The following PRSS2 variants were observed in gnomAD, a reference collection of about 807,000 sequenced individuals.
The protein encoded by PRSS2 is trypsin-2.
A neutral mutation model predicts 19.2 loss-of-function variants in PRSS2; 19 were observed. The ratio of observed to expected loss-of-function variants is 0.99; its 90% CI spans 0.69 to 1.45. The LOEUF (loss-of-function observed/expected upper bound fraction) is 1.45, where lower values mean the gene tolerates loss of function less well. Among genes scored for constraint, PRSS2 ranks in the 40% most tolerant of loss-of-function variants. The pLI is 0.00. For synonymous variants in PRSS2, 107 were observed against 117.5 expected (o/e 0.91, Z 0.58); for missense variants, 288 against 294.4 (o/e 0.98, Z 0.16).
At chr7:142,772,295 T>A (rs1799990096) in intron 2 of PRSS2, 87 bp downstream of exon 2, 3 of 1,509,456 alleles carry the variant, frequency 2.0e-6, no homozygotes, top group Non-Finnish European at 2.8e-6. Flanking sequence ...TGAGGTTGGG[T>A]AGGACGGACG....
At chr7:142,773,242 C>T in intron 2 of PRSS2, 24 bp from the exon 3 acceptor site, 2 of 1,614,232 alleles carry the variant, frequency 1.2e-6, no homozygotes, top group Non-Finnish European at 1.7e-6. Flanking sequence ...AGAAGGTCTT[C>T]ACCATGCCTG....
At chr7:142,772,621 T>A (rs1800033660) in intron 2 of PRSS2, 2 of 665,424 alleles carry the variant, frequency 3.0e-6, no homozygotes, top group East Asian at 5.4e-5. Flanking sequence ...TTTCACACTC[T>A]ACCTCTGGTA....
Position 142,774,523 on chromosome 7 carries a change from C to T in PRSS2, c.*15C>T, listed in dbSNP as rs1346076129. ...CCAACAGCTAAAGCCCCTGGTCCCTCTGCAGTCTCTATACCAATAAAGTGA... is the reference window on the plus strand; with the variant it reads ...CCAACAGCTAAAGCCCCTGGTCCCTTTGCAGTCTCTATACCAATAAAGTGA... On this transcript the variant is annotated 3_prime_UTR_variant, in exon 5 of 5. Transcript: ENST00000539842. The T allele has an allele frequency of 6.2e-7, 1 of 1,604,982 alleles. No homozygotes were observed.
At chr7:142,773,875 C>T in intron 3 of PRSS2, 44 bp from the exon 4 acceptor site, 4 of 1,581,494 alleles carry the variant, frequency 2.5e-6, no homozygotes, top group East Asian at 2.2e-5. Flanking sequence ...CTTTCTCTGG[C>T]CTAACCCACA....
intron 2 of PRSS2, 109 bp from the exon 3 acceptor site, chr7:142,773,157 C>T: frequency 3.1e-6 from 5 of 1,599,640 alleles, no homozygotes; most frequent in Non-Finnish European, 4.3e-6. Flanking sequence ...CACCCCACCC[C>T]ATGCCTCCAG....
chr7:142,770,981 C>T lies in PRSS2; in HGVS notation c.-2C>T. 1 of 670,350 alleles carries T rather than the reference C, an allele frequency of 1.5e-6. No homozygotes were observed. Among genetic ancestry groups the T allele is most frequent in the South Asian group, 2.1e-5 (1 of 47,360 alleles). 41.5% of individuals were successfully genotyped at this position (670,350 alleles called of 1,614,324 possible). A position where few individuals can be genotyped will look rare whatever the true frequency, so the allele number is the denominator to read the frequency against. ...ACCAGCAATCAGGCACACTCTACCA[C>T]CATGAATCTACTTCTGATCCTTACC... On this transcript the variant is annotated 5_prime_UTR_variant, in exon 1 of 5. Coordinates refer to ENST00000539842, the MANE Select transcript of PRSS2 (RefSeq NM_002770.4).
In PRSS2 at chr7:142,773,388, T is replaced by A; in HGVS notation, c.323T>A (p.Ile108Asn). The change falls in exon 3 of 5, where the codon ATC becomes AAC. Residue 108 changes from isoleucine to asparagine, a missense_variant. Transcript: ENST00000539842. ...KYNSRTLDNDILLIKLSSPAV... is the reference protein window; with the variant it reads ...KYNSRTLDNDNLLIKLSSPAV... The stretch of plus-strand genomic sequence containing the variant: ...AACAGCCGGACTCTGGACAATGACA[T>A]CCTGCTGATCAAGCTCTCCTCACCT... The A allele has an allele frequency of 6.2e-7, 1 of 1,612,538 alleles. No homozygotes were observed. The highest frequency in any genetic ancestry group is 8.5e-7 in the Non-Finnish European group (1 of 1,178,574).
intron 2 of PRSS2, among the ~76,000 whole-genome samples, chr7:142,772,990 G>A (rs1359627937): frequency 2.3e-5 from 3 of 132,770 alleles, no homozygotes; most frequent in Non-Finnish European, 5.0e-5. Flanking sequence ...TGGAGATTAT[G>A]GGAAAGAGTC....
chr7:142,772,079 T>C lies in PRSS2; in HGVS notation c.71T>C (p.Ile24Thr), dbSNP rs1554505903. 1 of 1,613,830 alleles carries C rather than the reference T, an allele frequency of 6.2e-7. No homozygotes were observed. The highest frequency in any genetic ancestry group is 2.2e-5 in the East Asian group (1 of 44,876). ...VAAPFDDDDK[I>T]VGGYICEENS... ...GCCCCCTTTGATGATGATGACAAGA[T>C]CGTTGGGGGCTACATCTGTGAGGAG... Residue 24 changes from isoleucine (I) to threonine (T), a missense_variant, in exon 2 of 5, where the codon ATC (isoleucine) becomes ACC (threonine). Coordinates refer to ENST00000539842, the MANE Select transcript of PRSS2 (RefSeq NM_002770.4).
Position 142,773,310 on chromosome 7 carries a change from A to G in PRSS2, c.245A>G (p.Glu82Gly). Reference protein sequence around the residue: ...RLGEHNIEVLEGNEQFINAAK... With the variant: ...RLGEHNIEVLGGNEQFINAAK... ...GGAGAGCACAACATCGAAGTCCTGG[A>G]GGGGAATGAACAGTTCATCAATGCG... The change falls in exon 3 of 5, where the codon GAG becomes GGG. Residue 82 changes from glutamate to glycine, a missense_variant. Transcript: ENST00000539842. The G allele has an allele frequency of 6.2e-7, 1 of 1,614,246 alleles. No homozygotes were observed. Among genetic ancestry groups the G allele is most frequent in the Admixed American group, 1.7e-5 (1 of 60,030 alleles).
intron 1 of PRSS2, among the ~76,000 whole-genome samples, chr7:142,771,465 C>G (rs1330651314): frequency 1.3e-5 from 2 of 152,356 alleles, no homozygotes; most frequent in South Asian, 2.1e-4. Context: ...TTTTAAGCTT[C>G]CCAGGTGATT....
chr7:142,772,581 T>A, intron 2 of PRSS2: 1 of 680,212 alleles, frequency 1.5e-6, no homozygotes, highest in Non-Finnish European at 2.7e-6. Context: ...CTCAAAATTA[T>A]CAGGAAGAGG....
At chr7:142,774,143 T>G (rs1390668159) in intron 4 of PRSS2, 88 bp downstream of exon 4, 3 of 1,376,466 alleles carry the variant, frequency 2.2e-6, no homozygotes, top group Non-Finnish European at 3.1e-6. Flanking sequence ...GTGGCGGGGC[T>G]GAGGAGGCTC....
chr7:142,773,449 G>A lies in PRSS2; in HGVS notation c.384G>A (p.Leu128=), dbSNP rs1014340591. 1 of 1,601,062 alleles carries A rather than the reference G, an allele frequency of 6.2e-7. No homozygotes were observed. Among genetic ancestry groups the A allele is most frequent in the Admixed American group, 1.7e-5 (1 of 60,014 alleles). The change falls in exon 3 of 5, where the codon CTG becomes CTA. Residue 128 remains leucine, a synonymous_variant. Coordinates refer to ENST00000539842, the MANE Select transcript of PRSS2 (RefSeq NM_002770.4). ...VINSRVSAIS[L]PTAPPAAGTE... is the part of the protein sequence containing the mutation. The stretch of plus-strand genomic sequence containing the variant: ...ATTCCCGCGTGTCCGCCATCTCTCT[G>A]CCCACTGCCCCTCCAGCTGCTGGCA...
chr7:142,772,538 A>G, intron 2 of PRSS2: 1 of 684,386 alleles, frequency 1.5e-6, no homozygotes, highest in Non-Finnish European at 2.6e-6. Context: ...ACTTAAAAAT[A>G]CTGATCCCTG....
intron 1 of PRSS2, 45 bp downstream of exon 1, chr7:142,771,067 G>C: frequency 1.8e-6 from 1 of 561,630 alleles, no homozygotes; most frequent in Non-Finnish European, 3.2e-6. Context: ...CCCTTCCCTG[G>C]CAGACACATG....
chr7:142,773,682 G>C (rs1340441745), intron 3 of PRSS2, among the ~76,000 whole-genome samples, 163 bp downstream of exon 3: 1 of 152,356 alleles, frequency 6.6e-6, no homozygotes, highest in East Asian at 1.9e-4. Context: ...AAATTCTCAA[G>C]GATGTGGCTC....
intron 3 of PRSS2, 98 bp downstream of exon 3, chr7:142,773,617 A>G: frequency 2.9e-6 from 4 of 1,371,112 alleles, no homozygotes; most frequent in South Asian, 2.5e-5. Context: ...CAGGCTTAAG[A>G]CACATTTCTA....
At position 142,773,510 on chromosome 7, in the gene PRSS2, A is replaced by G. The variant is rs1419565510; in HGVS notation, c.445A>G (p.Ser149Gly). 5.0e-6 allele frequency: 8 copies of G among 1,585,314 alleles called. No homozygotes were observed. The East Asian group carries it at 1.8e-4, about 36-fold the overall frequency. ...SLISGWGNTL[S>G]SGADYPDELQ... ...CATCTCCGGCTGGGGCAACACTCTG[A>G]GTTCTGGTGGTGAGTGGGACCCTTT... Residue 149 changes from serine (S) to glycine (G), a missense_variant, in exon 3 of 5, where the codon AGT becomes GGT. Physicochemically the swap from Ser to Gly is moderately conservative, Grantham distance 56. Coordinates refer to ENST00000539842, the MANE Select transcript of PRSS2 (RefSeq NM_002770.4).
Sources: allele counts gnomAD v4.1 joint callset (sites outside exome capture counted in the v4.1 genomes callset), GRCh38; gene constraint gnomAD v4.1.1; transcripts MANE v1.5; gene names NCBI Gene and HGNC (gene_info 2026-07-23, HGNC 2026-07-21).